Variants in CYB5RL observed in about 807,000 individuals in gnomAD.
CYB5RL encodes cytochrome b5 reductase like.
In CYB5RL, 38 loss-of-function variants were observed where a neutral mutation model predicts 37.5. The ratio of observed to expected loss-of-function variants is 1.01; its 90% CI spans 0.78 to 1.33. The LOEUF (loss-of-function observed/expected upper bound fraction) is 1.33. CYB5RL is among the 40% of genes most tolerant of loss of function. The pLI is 0.00. For missense variants in CYB5RL, 388 were observed against 394.4 expected (o/e 0.98, Z 0.14); for synonymous variants, 141 against 151.9 (o/e 0.93, Z 0.53).
Position 54,192,301 on chromosome 1 carries a change from C to T in CYB5RL, c.199-1405G>A, listed in dbSNP as rs559530065. ...CCGGATTCAAGTGATTCTCGTGCCT[C>T]AGCCTCCCAGGTAACTGGGATCACA... On this transcript the variant is annotated intron_variant, in intron 3 of 7. Transcript: ENST00000534324. Among the ~76,000 whole-genome samples the T allele has an allele frequency of 1.3e-3, 202 of 151,468 alleles. 1 individual carries two copies. Among genetic ancestry groups the T allele is most frequent in the Non-Finnish European group, 2.7e-3 (182 of 67,918 alleles).
intron 5 of CYB5RL, among the ~76,000 whole-genome samples, chr1:54,186,467 CAA>C (rs1389239011): frequency 6.6e-6 from 1 of 152,182 alleles, no homozygotes; most frequent in East Asian, 1.9e-4. Context: ...TCCCAATTTG[CAA>C]AGACATTTCT....
intron 3 of CYB5RL, among the ~76,000 whole-genome samples, chr1:54,192,168 CATCT>C (rs987994331): frequency 5.0e-4 from 74 of 148,540 alleles, no homozygotes; most frequent in African/African-American, 1.7e-3. Flanking sequence ...TGTTTGCATC[CATCT>C]GTTTGCAAAT....
intron 6 of CYB5RL, among the ~76,000 whole-genome samples, chr1:54,183,198 C>A (rs78412069): frequency 0.017 from 2,595 of 152,278 alleles, 70 homozygotes; most frequent in African/African-American, 0.058. Flanking sequence ...GGATATTATT[C>A]TATCAAGTAC....
In CYB5RL at chr1:54,190,762, C is replaced by T. The variant is rs1643942972; in HGVS notation, c.333G>A (p.Gln111=). The T allele has an allele frequency of 1.3e-6, 2 of 1,553,812 alleles. No individual in the cohort carries two copies. The highest frequency in any genetic ancestry group is 2.4e-5 in the East Asian group (1 of 41,060). ...CCTGAGTGTACCGTAGGATGAGGTG[C>T]TGGCCGGGCCGCAGGCCAAGCTGGC... ...GNSQLGLRPG[Q]HLILRGIVDD... is the part of the protein sequence containing the mutation. The change falls in exon 4 of 8, where the codon CAG becomes CAA. Residue 111 remains glutamine (Q), a synonymous_variant. Transcript: ENST00000534324.
chr1:54,173,113 T>C lies in CYB5RL; in HGVS notation c.*1506A>G, dbSNP rs757114602. On this transcript the variant is annotated 3_prime_UTR_variant, in exon 8 of 8. Coordinates refer to ENST00000534324, the MANE Select transcript of CYB5RL (RefSeq NM_001031672.4). The stretch of plus-strand genomic sequence containing the variant: ...GAAGAAGGTCACACACAGTACTCCA[T>C]GCTCTCTGACCCTGGAACTCTGCCT... 7 of 152,214 alleles carry C rather than the reference T, an allele frequency of 4.6e-5. No homozygotes were observed. The highest frequency in any genetic ancestry group is 7.2e-5 in the African/African-American group (3 of 41,466). The allele number at this position is 152,214 out of a possible 1,614,324, so 9.4% of individuals were successfully genotyped here. A position where few individuals can be genotyped will look rare whatever the true frequency, so the allele number is the denominator to read the frequency against.
chr1:54,186,184 T>A (rs1643894415), intron 5 of CYB5RL: 1 of 152,272 alleles, frequency 6.6e-6, no homozygotes, highest in African/African-American at 2.4e-5. Context: ...TACATACTTG[T>A]TAAACAGAAC....
chr1:54,190,264 G>A (rs928055925), intron 4 of CYB5RL, among the ~76,000 whole-genome samples: 3 of 152,196 alleles, frequency 2.0e-5, no homozygotes, highest in Non-Finnish European at 4.4e-5. Flanking sequence ...TCCTGGCTCC[G>A]TGACTTATTA....
At chr1:54,199,951 T>A in intron 1 of CYB5RL, 25 bp downstream of exon 1, 1 of 447,638 alleles carries the variant, frequency 2.2e-6, no homozygotes, top group Non-Finnish European at 4.0e-6. Context: ...CCTGGAGCGA[T>A]TCTCCACCCA....
chr1:54,196,648 C>A (rs1229837960), intron 1 of CYB5RL, among the ~76,000 whole-genome samples, 157 bp from the exon 2 acceptor site: 1 of 152,226 alleles, frequency 6.6e-6, no homozygotes, highest in Non-Finnish European at 1.5e-5. Context: ...TTCCTGATAA[C>A]TGCACTTCCC....
intron 1 of CYB5RL, among the ~76,000 whole-genome samples, chr1:54,199,721 G>A (rs1644057927): frequency 6.6e-6 from 1 of 152,318 alleles, no homozygotes; most frequent in African/African-American, 2.4e-5. Context: ...GGTGTACAGT[G>A]AGCAGTCACG....
At chr1:54,190,499 T>C (rs777888907) in intron 4 of CYB5RL, 4 of 604,882 alleles carry the variant, frequency 6.6e-6, no homozygotes, top group Non-Finnish European at 1.2e-5. Context: ...TTAAATGATT[T>C]CATGCCTATA....
intron 3 of CYB5RL, 35 bp downstream of exon 3, chr1:54,195,384 C>A (rs1195291796): frequency 1.2e-5 from 18 of 1,528,140 alleles, no homozygotes; most frequent in Non-Finnish European, 1.5e-5. Context: ...TAGATTGTTG[C>A]CCTGGTGCTC....
In CYB5RL at chr1:54,171,331, CAG is replaced by C. The variant is rs1388119774; in HGVS notation, c.*3286_*3287del. 6 of 456,188 alleles carry C rather than the reference CAG, an allele frequency of 1.3e-5. No homozygotes were observed. The highest frequency in any genetic ancestry group is 2.2e-5 in the Non-Finnish European group (5 of 226,816). The allele number at this position is 456,188 out of a possible 1,614,324, so 28.3% of individuals were successfully genotyped here. ...CAAAAAGTCTGGAGAGGTGGCAGAG[CAG>C]AGAGGCCCTACCCCAAGGCCACAGG... is the stretch of plus-strand genomic sequence containing the variant. On this transcript the variant is annotated 3_prime_UTR_variant, in exon 8 of 8. Coordinates refer to ENST00000534324, the MANE Select transcript of CYB5RL (RefSeq NM_001031672.4).
chr1:54,171,106 G>A lies in CYB5RL; in HGVS notation c.*3513C>T, dbSNP rs544812323. On this transcript the variant is annotated 3_prime_UTR_variant, in exon 8 of 8. Coordinates refer to ENST00000534324, the MANE Select transcript of CYB5RL (RefSeq NM_001031672.4). ...GCCTCTCTGCTCACTGACCAAGCTG[G>A]AGTGGAAGAGACAGGCGAGGCTCCC... The A allele has an allele frequency of 4.4e-6, 2 of 455,838 alleles. No individual in the cohort carries two copies. Among genetic ancestry groups the A allele is most frequent in the Admixed American group, 4.7e-5 (2 of 42,560 alleles). 28.2% of individuals were successfully genotyped at this position (455,838 alleles called of 1,614,324 possible).
At chr1:54,191,750 GC>G (rs993649812) in intron 3 of CYB5RL, among the ~76,000 whole-genome samples, 26 of 152,312 alleles carry the variant, frequency 1.7e-4, no homozygotes, top group African/African-American at 6.0e-4. Flanking sequence ...GGCATTCAAG[GC>G]CTTGTCTCCA....
intron 7 of CYB5RL, among the ~76,000 whole-genome samples, chr1:54,175,100 A>G (rs1659989306): frequency 6.6e-6 from 1 of 152,240 alleles, no homozygotes; most frequent in Middle Eastern, 3.4e-3. Context: ...CTCAAGTCCC[A>G]CCATTTCTCA....
At chr1:54,184,550 G>T (rs1407742920) in intron 5 of CYB5RL, 2 of 302,186 alleles carry the variant, frequency 6.6e-6, no homozygotes, top group African/African-American at 4.3e-5. Context: ...GACCATGCAG[G>T]TACCATAAAT....
At chr1:54,178,379 AG>A (rs537340094) in intron 7 of CYB5RL, among the ~76,000 whole-genome samples, 28 of 152,292 alleles carry the variant, frequency 1.8e-4, no homozygotes, top group Middle Eastern at 3.4e-3. Flanking sequence ...CCCAACCCAG[AG>A]GGGACAGGAG....
In CYB5RL at chr1:54,169,690, C is replaced by G. The variant is rs1032452063; in HGVS notation, c.*4929G>C. ...TTTAATTATGGAACTATTTGAAAAA[C>G]AGAAAAAGGTAGAAAATAATATAGT... On this transcript the variant is annotated 3_prime_UTR_variant, in exon 8 of 8. Coordinates refer to ENST00000534324, the MANE Select transcript of CYB5RL (RefSeq NM_001031672.4). 2 of 151,996 alleles carry G rather than the reference C, an allele frequency of 1.3e-5. No individual in the cohort carries two copies. The highest frequency in any genetic ancestry group is 4.8e-5 in the African/African-American group (2 of 41,356). The allele number at this position is 151,996 out of a possible 1,614,324, so 9.4% of individuals were successfully genotyped here.
Sources: gnomAD v4.1 joint callset for allele counts (sites outside exome capture counted in the v4.1 genomes callset) on GRCh38, gnomAD v4.1.1 for gene constraint, MANE v1.5 for transcripts, NCBI Gene and HGNC (gene_info 2026-07-23, HGNC 2026-07-21) for gene names.